PRH1: variants seen among roughly 807,000 people sequenced by gnomAD.
PRH1 encodes the protein proline rich protein HaeIII subfamily 1, also known as salivary acidic proline-rich phosphoprotein 1/2.
In PRH1, 7 loss-of-function variants were observed where a neutral mutation model predicts 7.9. That is an observed-to-expected ratio of 0.89 (90% confidence interval 0.50 to 1.67). PRH1 has a LOEUF of 1.67. PRH1 is among the 40% of genes most tolerant of loss of function. The pLI, the probability that PRH1 is intolerant of heterozygous loss-of-function variation, is 0.00. For synonymous variants in PRH1, 45 were observed against 80.8 expected (o/e 0.56, Z 2.38); for missense variants, 109 against 223.6 (o/e 0.49, Z 3.27).
chr12:11,019,923 G>A (rs967649424), intron 1 of PRH1, among the ~76,000 whole-genome samples: 5 of 152,280 alleles, frequency 3.3e-5, no homozygotes, highest in African/African-American at 1.2e-4. Context: ...CCCTGACCCT[G>A]TGCAAATATA....
At chr12:10,922,630 C>T (rs1378397299) in intron 2 of PRH1, among the ~76,000 whole-genome samples, 1 of 151,928 alleles carries the variant, frequency 6.6e-6, no homozygotes, top group African/African-American at 2.4e-5. Flanking sequence ...TTAATTTTTG[C>T]TAATTGCATT....
chr12:10,964,914 C>T (rs1938431725), intron 2 of PRH1: 3 of 585,678 alleles, frequency 5.1e-6, no homozygotes, highest in Non-Finnish European at 9.4e-6. Context: ...TCCATGTTTA[C>T]CACAACAAGA....
intron 1 of PRH1, among the ~76,000 whole-genome samples, chr12:11,075,782 A>T (rs1405856906): frequency 6.9e-6 from 1 of 144,220 alleles, no homozygotes; most frequent in Admixed American, 7.2e-5. Context: ...TAAGCCTATA[A>T]CCTCAACCTG....
intron 1 of PRH1, chr12:11,133,948 A>G: frequency 6.2e-7 from 1 of 1,614,174 alleles, no homozygotes; most frequent in East Asian, 2.2e-5. Context: ...TGAGGCTAGT[A>G]GCAAGCCAGC....
At position 10,968,076 on chromosome 12, in the gene PRH1, G is replaced by A. The variant is rs547404090; in HGVS notation, c.-59+5579C>T. On this transcript the variant is annotated intron_variant, in intron 2 of 3. Transcript: ENST00000539853. ...AGCCTGGGCTAGAGAGCGAGACTCC[G>A]TCTCAAAAGAAAAATAAATAAATAA... Among the ~76,000 whole-genome samples the A allele has an allele frequency of 6.4e-4, 97 of 151,820 alleles. 2 individuals carry two copies. In the South Asian group the frequency reaches 0.018, roughly 29 times the overall value.
intron 1 of PRH1, among the ~76,000 whole-genome samples, chr12:10,981,752 C>T (rs780688584): frequency 1.3e-5 from 2 of 151,992 alleles, no homozygotes; most frequent in Admixed American, 6.6e-5. Flanking sequence ...GGCTGGAGTG[C>T]AATGACACCA....
intron 1 of PRH1, among the ~76,000 whole-genome samples, chr12:10,988,939 T>C (rs1319395137): frequency 6.6e-6 from 1 of 152,152 alleles, no homozygotes; most frequent in Non-Finnish European, 1.5e-5. Flanking sequence ...TCCAAGTAGC[T>C]GGGACTACAG....
intron 2 of PRH1, among the ~76,000 whole-genome samples, chr12:10,941,512 A>G (rs1254791025): frequency 6.6e-6 from 1 of 151,806 alleles, no homozygotes; most frequent in Non-Finnish European, 1.5e-5. Context: ...AAATTTATGT[A>G]CTAACTGTAT....
At chr12:10,914,518 T>C (rs1949946629) in intron 2 of PRH1, among the ~76,000 whole-genome samples, 2 of 152,218 alleles carry the variant, frequency 1.3e-5, no homozygotes, top group Admixed American at 6.5e-5. Flanking sequence ...TCTGAGCAGA[T>C]GTCCTTGCAG....
At chr12:10,907,785 T>TATATGTAAATTATACCTCAACAATA in intron 2 of PRH1, 1 of 152,238 alleles carries the variant, frequency 6.6e-6, no homozygotes, top group Non-Finnish European at 1.5e-5. Context: ...AATATTTACT[T>TATATGTAAATTATACCTCAACAATA]TAAAAGGCAT....
At chr12:10,938,781 A>G (rs141002804) in intron 2 of PRH1, 258 of 1,613,344 alleles carry the variant, frequency 1.6e-4, no homozygotes, top group Non-Finnish European at 2.0e-4. Context: ...GCAATATTTA[A>G]AAACAAGAAG....
chr12:10,915,621 T>C (rs141177328), intron 2 of PRH1, among the ~76,000 whole-genome samples: 831 of 48,898 alleles, frequency 0.017, 132 homozygotes, highest in African/African-American at 0.029. Context: ...TCATATGACC[T>C]TAAAACTGAT....
chr12:10,889,070 TTG>T (rs1282711484), upstream of PRH1, among the ~76,000 whole-genome samples: 1 of 152,246 alleles, frequency 6.6e-6, no homozygotes, highest in Non-Finnish European at 1.5e-5. Flanking sequence ...GGAAGATATA[TTG>T]TGTTTGCCCA....
chr12:11,072,969 G>A (rs1441117343), intron 1 of PRH1, among the ~76,000 whole-genome samples: 1 of 151,522 alleles, frequency 6.6e-6, no homozygotes, highest in Non-Finnish European at 1.5e-5. Context: ...GCAATAACCA[G>A]GAAATGGAAA....
intron 2 of PRH1, among the ~76,000 whole-genome samples, chr12:10,969,262 T>C (rs1022354202): frequency 1.3e-5 from 2 of 152,152 alleles, no homozygotes; most frequent in African/African-American, 2.4e-5. Flanking sequence ...GTCTACAACA[T>C]TGAGCTGCTT....
At chr12:10,921,617 A>G (rs974993359) in intron 2 of PRH1, among the ~76,000 whole-genome samples, 2 of 152,042 alleles carry the variant, frequency 1.3e-5, no homozygotes, top group Non-Finnish European at 2.9e-5. Flanking sequence ...TTGATTTTCT[A>G]TTTATTTATT....
upstream of PRH1, among the ~76,000 whole-genome samples, chr12:10,886,655 T>C (rs112986162): frequency 2.9e-3 from 436 of 152,280 alleles, 2 homozygotes; most frequent in African/African-American, 0.01. Flanking sequence ...CCTTCTACTA[T>C]AGATGTTCAT....
intron 1 of PRH1, chr12:10,996,492 T>C (rs901665288): frequency 1.3e-5 from 2 of 152,604 alleles, no homozygotes; most frequent in Non-Finnish European, 2.9e-5. Context: ...ATATACGTGA[T>C]ACAAATTACA....
Position 10,939,226 on chromosome 12 carries a change from C to T in PRH1, c.-59+34429G>A, listed in dbSNP as rs750906826. 6 of 1,413,818 alleles carry T rather than the reference C, an allele frequency of 4.2e-6. No homozygotes were observed. The African/African-American group carries it at 8.6e-5, about 20-fold the overall frequency. The allele number at this position is 1,413,818 out of a possible 1,614,324, so 87.6% of individuals were successfully genotyped here. A position where few individuals can be genotyped will look rare whatever the true frequency, so the allele number is the denominator to read the frequency against. ...CACCCATTGCCTGTAAGAGCATGCCCCAATGTCTAATATCACTGCTGAAGA... is the reference window on the plus strand; with the variant it reads ...CACCCATTGCCTGTAAGAGCATGCCTCAATGTCTAATATCACTGCTGAAGA... On this transcript the variant is annotated intron_variant, in intron 2 of 3. Transcript: ENST00000539853.
Sources: allele counts gnomAD v4.1 joint callset (sites outside exome capture counted in the v4.1 genomes callset), GRCh38; gene constraint gnomAD v4.1.1; transcripts MANE v1.5; gene names NCBI Gene and HGNC (gene_info 2026-07-23, HGNC 2026-07-21).